The following ANK3 variants were observed in gnomAD, a reference collection of about 807,000 sequenced individuals.
The protein encoded by ANK3 is ankyrin 3.
ANK3 carries 57 observed loss-of-function variants against 370.9 expected under a neutral mutation model. The observed-to-expected ratio is 0.15, with a 90% CI of 0.12 to 0.19. The LOEUF is 0.19. ANK3 is among the 10% of genes least tolerant of loss of function. The pLI is 1.00. For synonymous variants in ANK3, 1,929 were observed against 1,946.3 expected, an observed-to-expected ratio of 0.99 and a Z score of 0.23; for missense variants, 4,439 against 5,302.1, an observed-to-expected ratio of 0.84 and a Z score of 5.06.
At chr10:60,096,925 T>C (rs775781085) in intron 28 of ANK3, among the ~76,000 whole-genome samples, 3 of 152,202 alleles carry the variant, frequency 2.0e-5, no homozygotes, top group Non-Finnish European at 2.9e-5. Context: ...GGGTGATTCA[T>C]AATGCCATAG....
In ANK3 at chr10:60,064,205, A is replaced by G; in HGVS notation, c.12403T>C (p.Phe4135Leu). Residue 4135 changes from phenylalanine to leucine, a missense_variant, in exon 39 of 44, where the codon TTC (phenylalanine) becomes CTC (leucine). Phe to Leu is a conservative substitution (Grantham distance 22). This residue lies in a region of ANK3 where 99 missense variants were observed against 150.7 expected (regional missense o/e 0.66). Coordinates refer to ENST00000280772, the MANE Select transcript of ANK3 (RefSeq NM_020987.5). ...ENPNSLISQS[F>L]MLLKKWVTRD... ...GTAACCCATTTTTTTAATAACATGA[A>G]GCTCTGAGAAATTAAAGAATTTGGA... 6.3e-7 allele frequency: 1 copy of G among 1,578,600 alleles called. No individual in the cohort carries two copies. Among genetic ancestry groups the G allele is most frequent in the Non-Finnish European group, 8.5e-7 (1 of 1,170,418 alleles).
At chr10:60,338,517 A>C (rs1478692084) in intron 1 of ANK3, among the ~76,000 whole-genome samples, 4 of 152,172 alleles carry the variant, frequency 2.6e-5, no homozygotes, top group Non-Finnish European at 5.9e-5. Context: ...TCTCAAATTC[A>C]GTAGAATGCA....
At chr10:60,680,060 A>C (rs2079174243) in intron 1 of ANK3, among the ~76,000 whole-genome samples, 1 of 149,248 alleles carries the variant, frequency 6.7e-6, no homozygotes, top group Non-Finnish European at 1.5e-5. Flanking sequence ...GCTTAAACCC[A>C]GGAGGCAGAG....
At chr10:60,181,449 C>T in intron 17 of ANK3, 22 bp from the exon 18 acceptor site, 21 of 1,604,258 alleles carry the variant, frequency 1.3e-5, no homozygotes, top group Non-Finnish European at 1.7e-5. Context: ...TCAAAGGGCA[C>T]AGTCATCGTA....
intron 16 of ANK3, among the ~76,000 whole-genome samples, chr10:60,193,035 A>G (rs181543685): frequency 6.6e-6 from 1 of 152,266 alleles, no homozygotes; most frequent in Non-Finnish European, 1.5e-5. Flanking sequence ...TTAAGATTAA[A>G]GTCTAGAAAA....
chr10:60,669,275 G>C (rs1224163136), intron 1 of ANK3, among the ~76,000 whole-genome samples: 3 of 152,164 alleles, frequency 2.0e-5, no homozygotes, highest in African/African-American at 7.2e-5. Context: ...TAAATAACTT[G>C]ACAAACTTTT....
chr10:60,728,092 C>A (rs2079968124), intron 1 of ANK3, among the ~76,000 whole-genome samples: 3 of 152,124 alleles, frequency 2.0e-5, no homozygotes, highest in Admixed American at 6.5e-5. Context: ...TAGGAATCAG[C>A]AAATGCTACA....
chr10:60,495,660 T>C (rs118170217), intron 2 of ANK3, among the ~76,000 whole-genome samples: 1,964 of 152,286 alleles, frequency 0.013, 44 homozygotes, highest in Admixed American at 0.058. Context: ...AAATATTGGA[T>C]ATAACTTTTA....
chr10:60,149,835 A>T (rs2095019864), intron 23 of ANK3, among the ~76,000 whole-genome samples: 1 of 152,132 alleles, frequency 6.6e-6, no homozygotes, highest in African/African-American at 2.4e-5. Flanking sequence ...CAGCCTCCTG[A>T]GTAGCTGGGA....
At chr10:60,468,943 A>G (rs2065074330) in intron 2 of ANK3, among the ~76,000 whole-genome samples, 1 of 140,626 alleles carries the variant, frequency 7.1e-6, no homozygotes, top group Admixed American at 7.2e-5. Flanking sequence ...ATATACACAC[A>G]TGTATATATG....
At chr10:60,088,818 G>A in intron 28 of ANK3, among the ~76,000 whole-genome samples, 1 of 152,126 alleles carries the variant, frequency 6.6e-6, no homozygotes, top group East Asian at 1.9e-4. Context: ...AAAATATTGG[G>A]TTTTGCAAAA....
At chr10:60,731,058 A>C (rs947187457) in intron 1 of ANK3, among the ~76,000 whole-genome samples, 2 of 152,230 alleles carry the variant, frequency 1.3e-5, no homozygotes, top group African/African-American at 4.8e-5. Flanking sequence ...AAAAATATAC[A>C]GACATTTTGT....
intron 1 of ANK3, among the ~76,000 whole-genome samples, chr10:60,632,216 T>C (rs1442825627): frequency 1.3e-5 from 2 of 152,206 alleles, no homozygotes; most frequent in Non-Finnish European, 2.9e-5. Flanking sequence ...ATAATTGATA[T>C]GCTACCTATT....
chr10:60,063,160 G>T lies in ANK3; in HGVS notation c.12546C>A (p.Gly4182=). The part of the protein sequence containing the change: ...GPIFDYGNIS[G]TRSFADENNV... ...TGTTCTCATCTGCAAAACTTCTGGTGCCTGAAATATTTCCATAATCAAATA... is the reference window on the plus strand; with the variant it reads ...TGTTCTCATCTGCAAAACTTCTGGTTCCTGAAATATTTCCATAATCAAATA... The change falls in exon 40 of 44, where the codon GGC becomes GGA. Residue 4182 remains glycine, a synonymous_variant. Transcript: ENST00000280772. 6.2e-7 allele frequency: 1 copy of T among 1,613,396 alleles called. No individual in the cohort carries two copies. The highest frequency in any genetic ancestry group is 8.5e-7 in the Non-Finnish European group (1 of 1,179,766).
At chr10:60,131,947 C>G (rs957667666) in intron 25 of ANK3, among the ~76,000 whole-genome samples, 7 of 152,138 alleles carry the variant, frequency 4.6e-5, no homozygotes, top group Non-Finnish European at 1.0e-4. Context: ...AGCAAAGTGT[C>G]ATTGATACCT....
chr10:60,081,458 T>C (rs1322183818), intron 35 of ANK3: 2 of 421,878 alleles, frequency 4.7e-6, no homozygotes, highest in Admixed American at 2.9e-5. Context: ...ATGTGTGGGA[T>C]TCAAAAACCT....
intron 16 of ANK3, among the ~76,000 whole-genome samples, chr10:60,187,249 G>A (rs903871212): frequency 2.0e-5 from 3 of 151,782 alleles, no homozygotes; most frequent in African/African-American, 4.8e-5. Flanking sequence ...TCCATCTCCC[G>A]GGTTCACGCC....
chr10:60,301,255 C>CAA (rs1409188791), intron 1 of ANK3, among the ~76,000 whole-genome samples: 3 of 147,848 alleles, frequency 2.0e-5, no homozygotes, highest in Admixed American at 6.8e-5. Flanking sequence ...TATACACACA[C>CAA]ACATGCACGC....
intron 1 of ANK3, among the ~76,000 whole-genome samples, chr10:60,703,097 A>G (rs1488052443): frequency 2.6e-5 from 4 of 152,208 alleles, no homozygotes; most frequent in Non-Finnish European, 5.9e-5. Flanking sequence ...CAACTAATCA[A>G]AATGTATGGA....
Sources: allele counts gnomAD v4.1 joint callset (sites outside exome capture counted in the v4.1 genomes callset), GRCh38; gene constraint gnomAD v4.1.1; regional missense constraint gnomAD v4.1.1; transcripts MANE v1.5; gene names NCBI Gene and HGNC (gene_info 2026-07-23, HGNC 2026-07-21).